CRACDL: variants seen among roughly 807,000 people sequenced by gnomAD.
The protein encoded by CRACDL is CRACD like, also known as CRACD-like protein.
In CRACDL, 26 loss-of-function variants were observed where a neutral mutation model predicts 70.6. The ratio of observed to expected loss-of-function variants is 0.37; its 90% CI spans 0.27 to 0.51. The LOEUF is 0.51. Among genes scored for constraint, CRACDL ranks in the 20% least tolerant of loss-of-function variants. CRACDL has a pLI of 0.94. For synonymous variants in CRACDL, 618 were observed against 615.2 expected (o/e 1.00, Z -0.07); for missense variants, 1,283 against 1,376.9 (o/e 0.93, Z 1.08).
intron 7 of CRACDL, 91 bp downstream of exon 7, chr2:98,821,766 C>G: frequency 1.4e-6 from 2 of 1,462,414 alleles, no homozygotes; most frequent in Non-Finnish European, 1.8e-6. Context: ...AAGTTTGTAC[C>G]AGGAGCATTT....
chr2:98,802,793 C>T (rs1704132707), intron 7 of CRACDL, among the ~76,000 whole-genome samples: 1 of 152,302 alleles, frequency 6.6e-6, no homozygotes, highest in South Asian at 2.1e-4. Flanking sequence ...AGCACAGTCT[C>T]CTGAGAGGCA....
chr2:98,872,878 C>CT lies in CRACDL; in HGVS notation c.-10-26069dup, dbSNP rs1349217336. On this transcript the variant is annotated intron_variant, in intron 1 of 9. Coordinates refer to ENST00000397899, the MANE Select transcript of CRACDL (RefSeq NM_207362.3). ...ACAAAATGATGTGAACTGACGTTAT[C>CT]TGTGGGTCATGGAATGATGTTCATT... 2.6e-5 allele frequency among the ~76,000 whole-genome samples: 4 copies of CT among 152,346 alleles called. No individual in the cohort carries two copies. The East Asian group carries it at 7.7e-4, about 29-fold the overall frequency.
intron 2 of CRACDL, among the ~76,000 whole-genome samples, chr2:98,842,189 C>G (rs1706058289): frequency 6.6e-6 from 1 of 151,854 alleles, no homozygotes; most frequent in Non-Finnish European, 1.5e-5. Flanking sequence ...CCCCTTGTTC[C>G]CTTTCCTTTA....
chr2:98,866,236 T>C (rs1396317255), intron 1 of CRACDL, among the ~76,000 whole-genome samples: 1 of 152,196 alleles, frequency 6.6e-6, no homozygotes, highest in Non-Finnish European at 1.5e-5. Flanking sequence ...TATTGCCCTG[T>C]AGTTACTGTT....
At chr2:98,838,790 T>G (rs959922223) in intron 2 of CRACDL, among the ~76,000 whole-genome samples, 2 of 152,210 alleles carry the variant, frequency 1.3e-5, no homozygotes, top group African/African-American at 4.8e-5. Context: ...ACCAACTGCA[T>G]GATGAGCTAA....
At chr2:98,926,331 T>C (rs184638034) in intron 1 of CRACDL, among the ~76,000 whole-genome samples, 1 of 151,554 alleles carries the variant, frequency 6.6e-6, no homozygotes, top group East Asian at 1.9e-4. Context: ...CCTCCCAGGA[T>C]TAGAATGGGG....
intron 1 of CRACDL, among the ~76,000 whole-genome samples, chr2:98,934,112 G>T (rs1275079969): frequency 6.6e-6 from 1 of 151,842 alleles, no homozygotes; most frequent in African/African-American, 2.4e-5. Flanking sequence ...ATGAATTTTT[G>T]GGGGGACACA....
intron 1 of CRACDL, among the ~76,000 whole-genome samples, chr2:98,911,689 C>G (rs759755977): frequency 6.6e-6 from 1 of 152,140 alleles, no homozygotes; most frequent in Non-Finnish European, 1.5e-5. Context: ...ATTTTGTGAA[C>G]CCGAATGCTG....
At chr2:98,878,155 C>T (rs1707538399) in intron 1 of CRACDL, among the ~76,000 whole-genome samples, 1 of 152,124 alleles carries the variant, frequency 6.6e-6, no homozygotes, top group African/African-American at 2.4e-5. Flanking sequence ...CCATGTTGGC[C>T]AGGATGGTCT....
intron 1 of CRACDL, among the ~76,000 whole-genome samples, chr2:98,905,187 T>C (rs1708377492): frequency 6.7e-6 from 1 of 149,154 alleles, no homozygotes; most frequent in South Asian, 2.1e-4. Flanking sequence ...GAGGCGGAGC[T>C]TGCAGTGAGC....
chr2:98,794,291 C>T lies in CRACDL; in HGVS notation c.*241G>A, dbSNP rs1703710829. 2.5e-6 allele frequency: 1 copy of T among 406,216 alleles called. No individual in the cohort carries two copies. The allele number at this position is 406,216 out of a possible 1,614,324, so 25.2% of individuals were successfully genotyped here. A position where few individuals can be genotyped will look rare whatever the true frequency, so the allele number is the denominator to read the frequency against. On this transcript the variant is annotated 3_prime_UTR_variant, in exon 10 of 10. Coordinates refer to ENST00000397899, the MANE Select transcript of CRACDL (RefSeq NM_207362.3). Reference sequence around the variant, plus strand: ...AAAGACACATTCGTACCTTTGGGCACAGGAACTGGTTCCTGGACTTTTTCA... The same window carrying T: ...AAAGACACATTCGTACCTTTGGGCATAGGAACTGGTTCCTGGACTTTTTCA...
intron 5 of CRACDL, among the ~76,000 whole-genome samples, chr2:98,830,334 C>G (rs1026911760): frequency 6.6e-6 from 1 of 152,090 alleles, no homozygotes. Flanking sequence ...CTTTTTTCCA[C>G]AATAATCTTA....
At chr2:98,795,793 A>G (rs1159376252) in intron 9 of CRACDL, among the ~76,000 whole-genome samples, 1 of 152,206 alleles carries the variant, frequency 6.6e-6, no homozygotes, top group African/African-American at 2.4e-5. Flanking sequence ...CACATAAAAA[A>G]AGACGGCCCT....
At chr2:98,860,449 T>C (rs1012474509) in intron 1 of CRACDL, among the ~76,000 whole-genome samples, 28 of 152,316 alleles carry the variant, frequency 1.8e-4, no homozygotes, top group African/African-American at 5.8e-4. Flanking sequence ...GGTAGACATA[T>C]AGTTCAACAG....
chr2:98,887,736 AAG>A (rs1212838828), intron 1 of CRACDL, among the ~76,000 whole-genome samples: 15 of 152,222 alleles, frequency 9.9e-5, no homozygotes, highest in African/African-American at 3.6e-4. Context: ...CCCAAAGACA[AAG>A]AGAGAATCTG....
chr2:98,831,991 TG>T (rs935904194), intron 5 of CRACDL, among the ~76,000 whole-genome samples: 24 of 152,074 alleles, frequency 1.6e-4, no homozygotes, highest in Non-Finnish European at 3.2e-4. Context: ...ACCGGCCAAA[TG>T]TCATGGCAAC....
At chr2:98,875,378 C>T (rs942740360) in intron 1 of CRACDL, among the ~76,000 whole-genome samples, 1 of 152,252 alleles carries the variant, frequency 6.6e-6, no homozygotes, top group South Asian at 2.1e-4. Flanking sequence ...AGACAGGCCA[C>T]CGCTAGTCAG....
At chr2:98,875,533 TGACA>T (rs5832859) in intron 1 of CRACDL, among the ~76,000 whole-genome samples, 59,188 of 151,706 alleles carry the variant, frequency 0.39, 12,325 homozygotes, top group African/African-American at 0.54. Context: ...AAGTCCCAGT[TGACA>T]GACAGCAAGA....
chr2:98,832,988 C>G lies in CRACDL; in HGVS notation c.249G>C (p.Arg83Ser). ...YDSEDELEES[R>S]GTLGSRALSH... ...AAAGGGCCCGGCTGCCCAGCGTGCCCCTCGACTCCCTAGGATAAAAGAGCC... is the reference window on the plus strand; with the variant it reads ...AAAGGGCCCGGCTGCCCAGCGTGCCGCTCGACTCCCTAGGATAAAAGAGCC... The change falls in exon 4 of 10, where the codon AGG becomes AGC. Residue 83 changes from arginine (R) to serine (S), a missense_variant. Physicochemically the swap from Arg to Ser is moderately radical, Grantham distance 110 (BLOSUM62 -1). Around this residue, in one of 2 missense-constraint regions of CRACDL, gnomAD observed 362 missense variants for 495.0 expected, o/e 0.73. Transcript: ENST00000397899. 6.2e-7 allele frequency: 1 copy of G among 1,612,576 alleles called. No homozygotes were observed. The highest frequency in any genetic ancestry group is 1.1e-5 in the South Asian group (1 of 90,958).
Sources: gnomAD v4.1 joint callset for allele counts (sites outside exome capture counted in the v4.1 genomes callset) on GRCh38, gnomAD v4.1.1 for gene constraint, gnomAD v4.1.1 regional missense constraint, MANE v1.5 for transcripts, NCBI Gene and HGNC (gene_info 2026-07-23, HGNC 2026-07-21) for gene names.